PYROXD2: variants seen among roughly 807,000 people sequenced by gnomAD.
PYROXD2 encodes the protein pyridine nucleotide-disulphide oxidoreductase domain 2.
PYROXD2 carries 69 observed loss-of-function variants against 71.1 expected under a neutral mutation model. That is an observed-to-expected ratio of 0.97 (90% CI 0.80 to 1.19). PYROXD2 has a LOEUF of 1.19. PYROXD2 is among the 50% of genes most tolerant of loss of function. The pLI, the probability that PYROXD2 is intolerant of heterozygous loss-of-function variation, is 0.00. For missense variants in PYROXD2, 745 were observed against 748.9 expected, an observed-to-expected ratio of 0.99 and a Z score of 0.06; for synonymous variants, 287 against 302.7, an observed-to-expected ratio of 0.95 and a Z score of 0.54.
At chr10:98,409,388 T>G (rs1428361281) in intron 2 of PYROXD2, among the ~76,000 whole-genome samples, 1 of 152,156 alleles carries the variant, frequency 6.6e-6, no homozygotes, top group East Asian at 1.9e-4. Flanking sequence ...AACCCCTATT[T>G]TCGTAGGCCT....
intron 14 of PYROXD2, among the ~76,000 whole-genome samples, chr10:98,386,101 A>C: frequency 7.0e-6 from 1 of 142,978 alleles, no homozygotes; most frequent in African/African-American, 2.7e-5. Flanking sequence ...ACACAGGGAG[A>C]CTCATCTCTA....
At chr10:98,398,325 T>C (rs982381154) in intron 5 of PYROXD2, among the ~76,000 whole-genome samples, 1 of 152,078 alleles carries the variant, frequency 6.6e-6, no homozygotes, top group African/African-American at 2.4e-5. Flanking sequence ...AGCTCCCATG[T>C]CAGAATCCAC....
Position 98,400,231 on chromosome 10 carries a change from T to G in PYROXD2, c.342A>C (p.Arg114=). 1 of 1,611,606 alleles carries G rather than the reference T, an allele frequency of 6.2e-7. No homozygotes were observed. The highest frequency in any genetic ancestry group is 8.5e-7 in the Non-Finnish European group (1 of 1,178,626). The part of the protein sequence containing the change: ...LKKHGLRLHL[R]NPYSFTPMLE... Reference sequence around the variant, plus strand: ...GCATGGGGGTGAAGGAGTAGGGGTTTCGAAGATGAAGCCTCAGCCCATGTT... The same window carrying G: ...GCATGGGGGTGAAGGAGTAGGGGTTGCGAAGATGAAGCCTCAGCCCATGTT... Residue 114 remains arginine, a synonymous_variant, in exon 5 of 16, where the codon CGA becomes CGC. Transcript: ENST00000370575.
chr10:98,391,584 A>G (rs1281762098), intron 10 of PYROXD2, among the ~76,000 whole-genome samples: 1 of 152,028 alleles, frequency 6.6e-6, no homozygotes, highest in Admixed American at 6.6e-5. Flanking sequence ...CTGCCCCCAA[A>G]GCTCACCCCT....
chr10:98,390,050 C>A (rs1479181578), intron 12 of PYROXD2, among the ~76,000 whole-genome samples: 2 of 151,412 alleles, frequency 1.3e-5, no homozygotes, highest in Non-Finnish European at 2.9e-5. Flanking sequence ...CCAGCCCATA[C>A]CCAGTACAGA....
intron 4 of PYROXD2, among the ~76,000 whole-genome samples, chr10:98,401,829 T>C (rs1275309182): frequency 6.6e-6 from 1 of 152,138 alleles, no homozygotes; most frequent in Non-Finnish European, 1.5e-5. Context: ...GGCACTGTCA[T>C]CTCCTAGAGA....
rs186225192 is a variant in PYROXD2 at position 98,395,364 on chromosome 10, C to T, written c.687+27G>A. ...GAGGAGGGCCCTCTCACTGCCTGGT[C>T]GGGCCTGAGGCTGGGGAACCACTCA... On this transcript the variant is annotated intron_variant, in intron 7 of 15. Coordinates refer to ENST00000370575, the MANE Select transcript of PYROXD2 (RefSeq NM_032709.3). The T allele has an allele frequency of 3.3e-4, 534 of 1,613,456 alleles. 2 individuals are homozygous for T. The African/African-American group carries it at 5.7e-3, about 17-fold the overall frequency.
At chr10:98,390,454 C>T (rs1800231950) in intron 12 of PYROXD2, 144 bp downstream of exon 12, 2 of 973,678 alleles carry the variant, frequency 2.1e-6, no homozygotes, top group South Asian at 2.7e-5. Context: ...ACTTCCTGTC[C>T]TTAGGAGTAT....
chr10:98,387,166 G>C (rs775066808), intron 14 of PYROXD2, 35 bp downstream of exon 14: 1 of 1,497,510 alleles, frequency 6.7e-7, no homozygotes, highest in East Asian at 2.3e-5. Flanking sequence ...GCAGAGGGAA[G>C]GCTATGGTGA....
At chr10:98,389,472 G>C (rs150443841) in intron 12 of PYROXD2, among the ~76,000 whole-genome samples, 148 of 152,224 alleles carry the variant, frequency 9.7e-4, no homozygotes, top group African/African-American at 3.4e-3. Context: ...GGCAGGCTCT[G>C]CACAAACTTT....
chr10:98,393,995 T>C (rs1843048866), intron 8 of PYROXD2, among the ~76,000 whole-genome samples: 2 of 152,170 alleles, frequency 1.3e-5, no homozygotes, highest in Admixed American at 6.5e-5. Flanking sequence ...CTCCTCTTTG[T>C]CCTTTGGGTC....
intron 2 of PYROXD2, 38 bp from the exon 3 acceptor site, chr10:98,408,035 C>T: frequency 6.4e-7 from 1 of 1,563,176 alleles, no homozygotes; most frequent in South Asian, 1.2e-5. Flanking sequence ...CTCCCTTTAT[C>T]CCTCTGAAAT....
At chr10:98,404,103 A>G (rs1353927645) in intron 4 of PYROXD2, among the ~76,000 whole-genome samples, 1 of 152,216 alleles carries the variant, frequency 6.6e-6, no homozygotes, top group Non-Finnish European at 1.5e-5. Flanking sequence ...TTTAAGCTCA[A>G]CCTAAAGGTT....
At chr10:98,395,520 G>C in intron 6 of PYROXD2, 68 bp from the exon 7 acceptor site, 1 of 1,398,090 alleles carries the variant, frequency 7.2e-7, no homozygotes, top group South Asian at 1.2e-5. Context: ...CCTGGCCTGG[G>C]GGATAAAAGC....
Position 98,411,118 on chromosome 10 carries a change from T to TAG in PYROXD2, c.128-162_128-161dup. On this transcript the variant is annotated intron_variant, in intron 1 of 15. Coordinates refer to ENST00000370575, the MANE Select transcript of PYROXD2 (RefSeq NM_032709.3). ...CGCACTCAGATGTTGGAACAGCATC[T>TAG]AGTTCAACTCCATGAAACACCAGAT... is the stretch of plus-strand genomic sequence containing the variant. 3.1e-6 allele frequency: 3 copies of TAG among 979,792 alleles called. 1 individual carries two copies. In the South Asian group the frequency reaches 4.9e-5, roughly 16 times the overall value. 60.7% of individuals were successfully genotyped at this position (979,792 alleles called of 1,614,324 possible).
chr10:98,386,214 G>A (rs1397367631), intron 14 of PYROXD2, among the ~76,000 whole-genome samples: 2 of 151,524 alleles, frequency 1.3e-5, no homozygotes, highest in African/African-American at 2.4e-5. Flanking sequence ...CCCAGAGGTC[G>A]AGGCTGCAGT....
chr10:98,384,916 C>A, intron 15 of PYROXD2, 31 bp downstream of exon 15: 1 of 1,592,366 alleles, frequency 6.3e-7, no homozygotes, highest in Non-Finnish European at 8.5e-7. Context: ...CTCCCAGTCC[C>A]CACAGGGTAG....
At position 98,388,416 on chromosome 10, in the gene PYROXD2, G is replaced by A. The variant is rs1165789674; in HGVS notation, c.1385C>T (p.Pro462Leu). 8 of 1,613,654 alleles carry A rather than the reference G, an allele frequency of 5.0e-6. No individual in the cohort carries two copies. The highest frequency in any genetic ancestry group is 5.9e-6 in the Non-Finnish European group (7 of 1,179,896). ...HVVSLFTQYM[P>L]YTLAGGKAWD... ...GGCCTTGCCTCCAGCCAGCGTATAGGGCATGTACTGAGTGAAGAGGGAGAC... is the reference window on the plus strand; with the variant it reads ...GGCCTTGCCTCCAGCCAGCGTATAGAGCATGTACTGAGTGAAGAGGGAGAC... The change falls in exon 13 of 16, where the codon CCC (proline) becomes CTC (leucine). Residue 462 changes from proline (P) to leucine (L), a missense_variant. Physicochemically the swap from Pro to Leu is moderately conservative, Grantham distance 98. Coordinates refer to ENST00000370575, the MANE Select transcript of PYROXD2 (RefSeq NM_032709.3).
At chr10:98,390,960 C>T in intron 11 of PYROXD2, 50 bp downstream of exon 11, 1 of 1,490,014 alleles carries the variant, frequency 6.7e-7, no homozygotes, top group South Asian at 1.1e-5. Context: ...GGAGGTTTCT[C>T]ACTCAGATGG....
Sources: gnomAD v4.1 joint callset for allele counts (sites outside exome capture counted in the v4.1 genomes callset) on GRCh38, gnomAD v4.1.1 for gene constraint, MANE v1.5 for transcripts, NCBI Gene and HGNC (gene_info 2026-07-23, HGNC 2026-07-21) for gene names.